Variants in OSBPL8 observed in about 807,000 individuals in gnomAD.
OSBPL8 encodes the protein oxysterol-binding protein-related protein 8.
A neutral mutation model predicts 125.5 loss-of-function variants in OSBPL8; 59 were observed. The ratio of observed to expected loss-of-function variants is 0.47; its 90% CI spans 0.38 to 0.58. The LOEUF (loss-of-function observed/expected upper bound fraction) is 0.58. Among genes scored for constraint, OSBPL8 ranks in the 20% least tolerant of loss-of-function variants. OSBPL8 has a pLI of 0.00. For synonymous variants in OSBPL8, 330 were observed against 338.9 expected (o/e 0.97, Z 0.29); for missense variants, 758 against 1,047.8 (o/e 0.72, Z 3.82).
At chr12:76,392,160 C>A (rs34024405) in intron 10 of OSBPL8, among the ~76,000 whole-genome samples, 27,337 of 152,098 alleles carry the variant, frequency 0.18, 3,060 homozygotes, top group Non-Finnish European at 0.27. Flanking sequence ...AAGTCCAGTG[C>A]CATTACTAAA....
intron 2 of OSBPL8, among the ~76,000 whole-genome samples, chr12:76,480,167 C>CAAAAAAAAAAAA: frequency 1.8e-5 from 1 of 56,386 alleles, no homozygotes; most frequent in Non-Finnish European, 3.1e-5. Context: ...AACTCCATCT[C>CAAAAAAAAAAAA]AAAAAAAAAA....
At chr12:76,391,853 AGAG>A (rs1953574664) in intron 10 of OSBPL8, among the ~76,000 whole-genome samples, 1 of 152,220 alleles carries the variant, frequency 6.6e-6, no homozygotes, top group Middle Eastern at 3.2e-3. Context: ...AATATGAAGA[AGAG>A]GAGAATAGCA....
intron 1 of OSBPL8, among the ~76,000 whole-genome samples, chr12:76,488,708 C>T (rs1421255465): frequency 6.6e-6 from 1 of 152,212 alleles, no homozygotes; most frequent in African/African-American, 2.4e-5. Flanking sequence ...TTCCACCCAT[C>T]TGCCATTCTC....
At position 76,389,695 on chromosome 12, in the gene OSBPL8, A is replaced by G. The variant is rs1359812825; in HGVS notation, c.1302T>C (p.Ser434=). Residue 434 remains serine (S), a synonymous_variant, in exon 12 of 24, where the codon TCT becomes TCC. Transcript: ENST00000261183. ...AGTAATCTGAAAGTTTATCCAGGAA[A>G]GAACGGGGTTCCAAAATAAATGTAG... ...VLPTFILEPR[S]FLDKLSDYYY... is the part of the protein sequence containing the mutation. The G allele has an allele frequency of 6.2e-7, 1 of 1,604,254 alleles. No individual in the cohort carries two copies. Among genetic ancestry groups the G allele is most frequent in the Admixed American group, 1.7e-5 (1 of 59,046 alleles).
chr12:76,388,268 C>T (rs543271623), intron 12 of OSBPL8, among the ~76,000 whole-genome samples: 10 of 152,102 alleles, frequency 6.6e-5, no homozygotes, highest in Non-Finnish European at 1.2e-4. Flanking sequence ...GGAGTTATTC[C>T]GAGAAGTGAG....
chr12:76,458,533 T>A (rs568236656), intron 3 of OSBPL8, among the ~76,000 whole-genome samples: 5 of 151,688 alleles, frequency 3.3e-5, no homozygotes, highest in African/African-American at 1.2e-4. Flanking sequence ...TTACAAAAAA[T>A]TTCAAAAATT....
At chr12:76,535,677 C>G (rs1359177348) in intron 1 of OSBPL8, among the ~76,000 whole-genome samples, 1 of 152,084 alleles carries the variant, frequency 6.6e-6, no homozygotes, top group Non-Finnish European at 1.5e-5. Flanking sequence ...ATTGGATATT[C>G]ATTACAATAC....
chr12:76,447,103 A>G (rs1356821445), intron 4 of OSBPL8, among the ~76,000 whole-genome samples: 2 of 152,298 alleles, frequency 1.3e-5, no homozygotes, highest in Non-Finnish European at 2.9e-5. Context: ...CTATTTTTCA[A>G]CTCCTAATAT....
chr12:76,405,676 A>G (rs1954231074), intron 5 of OSBPL8, among the ~76,000 whole-genome samples: 1 of 152,166 alleles, frequency 6.6e-6, no homozygotes. Flanking sequence ...ACCAAGTTCC[A>G]CAGTCTTTTC....
intron 18 of OSBPL8, among the ~76,000 whole-genome samples, chr12:76,372,066 G>A (rs898347786): frequency 9.2e-5 from 14 of 152,092 alleles, no homozygotes; most frequent in African/African-American, 3.1e-4. Flanking sequence ...AGACATGGAC[G>A]GTCTTGCTCT....
chr12:76,472,839 C>T (rs536124174), intron 2 of OSBPL8, among the ~76,000 whole-genome samples: 3 of 152,254 alleles, frequency 2.0e-5, no homozygotes, highest in Admixed American at 6.5e-5. Context: ...CACAGGGAGA[C>T]GGTTAGGCCT....
chr12:76,468,841 T>A (rs1007221377), intron 2 of OSBPL8, among the ~76,000 whole-genome samples: 2 of 152,244 alleles, frequency 1.3e-5, no homozygotes, highest in African/African-American at 2.4e-5. Context: ...ATAGTGTGTA[T>A]CTGTAATGTC....
At position 76,487,388 on chromosome 12, in the gene OSBPL8, A is replaced by G. The variant is rs1005437593; in HGVS notation, c.42+122T>C. 1.9e-5 allele frequency: 14 copies of G among 727,158 alleles called. No individual in the cohort carries two copies. In the African/African-American group the frequency reaches 2.6e-4, roughly 14 times the overall value. The allele number at this position is 727,158 out of a possible 1,614,324, so 45.0% of individuals were successfully genotyped here. A position where few individuals can be genotyped will look rare whatever the true frequency, so the allele number is the denominator to read the frequency against. On this transcript the variant is annotated intron_variant, in intron 2 of 23. Coordinates refer to ENST00000261183, the MANE Select transcript of OSBPL8 (RefSeq NM_020841.5). ...TCTGTAATTCTCAAGGAGTTAAAGCATTATTTTAAAAATACTTTTTAAAAG... is the reference window on the plus strand; with the variant it reads ...TCTGTAATTCTCAAGGAGTTAAAGCGTTATTTTAAAAATACTTTTTAAAAG...
intron 4 of OSBPL8, among the ~76,000 whole-genome samples, chr12:76,411,563 T>A (rs1954514593): frequency 6.6e-6 from 1 of 152,052 alleles, no homozygotes; most frequent in Non-Finnish European, 1.5e-5. Flanking sequence ...GATTCTGCAT[T>A]TGGTTTATTA....
intron 1 of OSBPL8, among the ~76,000 whole-genome samples, chr12:76,536,321 C>T (rs1292868674): frequency 6.6e-6 from 1 of 151,314 alleles, no homozygotes; most frequent in Non-Finnish European, 1.5e-5. Context: ...ACTAAAAATA[C>T]CAAATACTAA....
At chr12:76,384,972 A>G (rs1386301705) in intron 14 of OSBPL8, among the ~76,000 whole-genome samples, 1 of 152,222 alleles carries the variant, frequency 6.6e-6, no homozygotes, top group African/African-American at 2.4e-5. Flanking sequence ...TTTAGACAGC[A>G]ATGGATAACT....
chr12:76,377,235 T>G (rs1412662149), intron 16 of OSBPL8, among the ~76,000 whole-genome samples: 2 of 152,242 alleles, frequency 1.3e-5, no homozygotes, highest in Non-Finnish European at 2.9e-5. Context: ...GCAATAAACA[T>G]ACGTGTACAT....
At chr12:76,429,583 T>C (rs1264314501) in intron 4 of OSBPL8, among the ~76,000 whole-genome samples, 3 of 152,168 alleles carry the variant, frequency 2.0e-5, no homozygotes, top group Non-Finnish European at 4.4e-5. Context: ...TACTTATCCA[T>C]GTAACCATCA....
intron 1 of OSBPL8, among the ~76,000 whole-genome samples, chr12:76,530,876 T>C (rs571970061): frequency 3.9e-4 from 60 of 152,340 alleles, no homozygotes; most frequent in African/African-American, 1.4e-3. Flanking sequence ...AGTATTAGAC[T>C]GAAGATCTTC....
Sources: gnomAD v4.1 joint callset for allele counts (sites outside exome capture counted in the v4.1 genomes callset) on GRCh38, gnomAD v4.1.1 for gene constraint, MANE v1.5 for transcripts, NCBI Gene and HGNC (gene_info 2026-07-23, HGNC 2026-07-21) for gene names.